CSMD2: variants seen among roughly 807,000 people sequenced by gnomAD.
The protein encoded by CSMD2 is CUB and Sushi multiple domains 2, also known as CUB and sushi domain-containing protein 2.
CSMD2 carries 130 observed loss-of-function variants against 398.5 expected under a neutral mutation model. The observed-to-expected ratio is 0.33, with a 90% confidence interval of 0.28 to 0.38. The LOEUF (loss-of-function observed/expected upper bound fraction) is 0.38. Ranked by LOEUF, CSMD2 falls within the 10% of genes least tolerant of loss-of-function variation. The pLI is 1.00. For synonymous variants in CSMD2, 1,828 were observed against 1,908.5 expected (o/e 0.96, Z 1.10); for missense variants, 3,829 against 4,764.9 (o/e 0.80, Z 5.78).
At chr1:33,976,413 T>A (rs984181513) in intron 3 of CSMD2, among the ~76,000 whole-genome samples, 1 of 152,212 alleles carries the variant, frequency 6.6e-6, no homozygotes, top group Non-Finnish European at 1.5e-5. Context: ...GGATCTGGCC[T>A]CTGGCTTCAT....
intron 4 of CSMD2, among the ~76,000 whole-genome samples, chr1:33,925,007 C>T (rs1370093555): frequency 6.6e-6 from 1 of 152,104 alleles, no homozygotes; most frequent in African/African-American, 2.4e-5. Context: ...GTCGTCTTTT[C>T]ACTTTGTTGA....
intron 2 of CSMD2, among the ~76,000 whole-genome samples, chr1:34,070,322 C>T (rs143388463): frequency 0.011 from 1,751 of 152,324 alleles, 33 homozygotes; most frequent in African/African-American, 0.039. Context: ...TCATCTATCT[C>T]TGTCCTTTAG....
chr1:33,851,004 C>A (rs985005965), intron 5 of CSMD2, among the ~76,000 whole-genome samples: 1 of 152,046 alleles, frequency 6.6e-6, no homozygotes, highest in Non-Finnish European at 1.5e-5. Flanking sequence ...TGAGAGATAC[C>A]CCCATCAAGA....
intron 15 of CSMD2, among the ~76,000 whole-genome samples, chr1:33,731,272 G>A (rs1278176669): frequency 6.6e-6 from 1 of 151,982 alleles, no homozygotes; most frequent in Non-Finnish European, 1.5e-5. Flanking sequence ...AGTTGATGAG[G>A]ACAAGTTTTC....
intron 3 of CSMD2, among the ~76,000 whole-genome samples, chr1:34,032,353 T>C (rs1650560638): frequency 1.3e-5 from 2 of 152,240 alleles, no homozygotes; most frequent in South Asian, 4.1e-4. Context: ...GAGAAGTAGA[T>C]GTTACCAGGC....
chr1:33,699,167 A>G (rs1048035286), intron 23 of CSMD2, among the ~76,000 whole-genome samples: 3 of 152,158 alleles, frequency 2.0e-5, no homozygotes, highest in African/African-American at 7.2e-5. Context: ...TCTGCTTTTA[A>G]TAGTTTTCAG....
intron 67 of CSMD2, among the ~76,000 whole-genome samples, chr1:33,522,723 G>A (rs1178799966): frequency 1.3e-5 from 2 of 152,228 alleles, no homozygotes; most frequent in African/African-American, 2.4e-5. Context: ...AGTGGAGGAC[G>A]TGGTAGGGGA....
chr1:33,818,533 T>G (rs1303958549), intron 9 of CSMD2, among the ~76,000 whole-genome samples: 1 of 152,254 alleles, frequency 6.6e-6, no homozygotes, highest in African/African-American at 2.4e-5. Flanking sequence ...AAGAAAGGCT[T>G]AGGGAAAATG....
At chr1:33,623,152 G>C (rs1211509585) in intron 36 of CSMD2, among the ~76,000 whole-genome samples, 2 of 152,194 alleles carry the variant, frequency 1.3e-5, no homozygotes, top group Admixed American at 6.5e-5. Flanking sequence ...ATGGGTACCT[G>C]GTTTATTTTG....
chr1:33,573,471 A>G (rs1412132399), intron 49 of CSMD2, among the ~76,000 whole-genome samples: 3 of 152,074 alleles, frequency 2.0e-5, no homozygotes, highest in African/African-American at 7.2e-5. Flanking sequence ...TCAAGGTGAC[A>G]TACGGTACTC....
chr1:33,532,256 C>CATATATTA (rs1486003043), intron 64 of CSMD2, among the ~76,000 whole-genome samples: 2 of 152,178 alleles, frequency 1.3e-5, no homozygotes, highest in Non-Finnish European at 2.9e-5. Flanking sequence ...CTAGTTTCCT[C>CATATATTA]ATATATTAAA....
At chr1:33,902,842 C>G (rs994527666) in intron 5 of CSMD2, among the ~76,000 whole-genome samples, 1 of 152,156 alleles carries the variant, frequency 6.6e-6, no homozygotes, top group Non-Finnish European at 1.5e-5. Context: ...CCTCTGATTG[C>G]CTTTCCTCCT....
Position 33,519,400 on chromosome 1 carries a change from C to G in CSMD2, c.*53+65G>C. 1 of 1,006,026 alleles carries G rather than the reference C, an allele frequency of 9.9e-7. No individual in the cohort carries two copies. The highest frequency in any genetic ancestry group is 2.4e-5 in the East Asian group (1 of 41,620). The allele number at this position is 1,006,026 out of a possible 1,614,324, so 62.3% of individuals were successfully genotyped here. A position where few individuals can be genotyped will look rare whatever the true frequency, so the allele number is the denominator to read the frequency against. On this transcript the variant is annotated intron_variant, in intron 70 of 70. Coordinates refer to ENST00000373381, the MANE Select transcript of CSMD2 (RefSeq NM_001281956.2). The surrounding 1 kb of genome is among the most constrained non-coding windows in gnomAD (Gnocchi z 5.6). ...GTGTGCGACTCCGTTGGGTGGAGCC[C>G]CTGGCACGCATAGGTCCCTGTCTGT...
chr1:33,702,794 C>T (rs1645653208), intron 22 of CSMD2, among the ~76,000 whole-genome samples: 1 of 152,110 alleles, frequency 6.6e-6, no homozygotes, highest in Non-Finnish European at 1.5e-5. Context: ...ATAAGGCTCA[C>T]TCAGTAAATG....
chr1:33,803,878 G>A (rs946611604), intron 10 of CSMD2, among the ~76,000 whole-genome samples: 1 of 152,154 alleles, frequency 6.6e-6, no homozygotes, highest in African/African-American at 2.4e-5. Context: ...GTCCTTCCAG[G>A]CTCATCCCAC....
chr1:34,041,346 G>C (rs1392453788), intron 2 of CSMD2, among the ~76,000 whole-genome samples: 1 of 152,162 alleles, frequency 6.6e-6, no homozygotes, highest in Admixed American at 6.5e-5. Flanking sequence ...GGTCTTCCTG[G>C]AATGCCAGGT....
intron 10 of CSMD2, among the ~76,000 whole-genome samples, chr1:33,806,951 T>C (rs965584000): frequency 3.3e-5 from 5 of 152,134 alleles, no homozygotes; most frequent in Non-Finnish European, 5.9e-5. Context: ...GAAAAGATAA[T>C]GGGTAAACAT....
chr1:34,046,284 T>A (rs547527098), intron 2 of CSMD2, among the ~76,000 whole-genome samples: 1 of 152,370 alleles, frequency 6.6e-6, no homozygotes, highest in South Asian at 2.1e-4. Flanking sequence ...CAATCAATTG[T>A]TATTTAACAA....
At chr1:33,548,516 T>C (rs1657123237) in intron 56 of CSMD2, among the ~76,000 whole-genome samples, 1 of 152,148 alleles carries the variant, frequency 6.6e-6, no homozygotes, top group South Asian at 2.1e-4. Flanking sequence ...TGTGCAACAG[T>C]TGGGTCCACT....
Sources: allele counts gnomAD v4.1 joint callset (sites outside exome capture counted in the v4.1 genomes callset), GRCh38; gene constraint gnomAD v4.1.1; non-coding constraint Gnocchi (gnomAD v3.1); transcripts MANE v1.5; gene names NCBI Gene and HGNC (gene_info 2026-07-23, HGNC 2026-07-21).